ADGRL2: variants seen among roughly 807,000 people sequenced by gnomAD.
ADGRL2 encodes the protein adhesion G protein-coupled receptor L2, also known as calcium-independent alpha-latrotoxin receptor 2.
ADGRL2 carries 44 observed loss-of-function variants against 157.4 expected under a neutral mutation model. That is an observed-to-expected ratio of 0.28 (90% CI 0.22 to 0.36). The LOEUF (loss-of-function observed/expected upper bound fraction) is 0.36, where lower values mean the gene tolerates loss of function less well. ADGRL2 is among the 10% of genes least tolerant of loss of function. ADGRL2 has a pLI of 1.00. For synonymous variants in ADGRL2, 585 were observed against 624.7 expected (o/e 0.94, Z 0.95); for missense variants, 1,510 against 1,768.9 (o/e 0.85, Z 2.63).
chr1:81,494,778 C>T (rs1355212041), intron 2 of ADGRL2, among the ~76,000 whole-genome samples: 1 of 152,118 alleles, frequency 6.6e-6, no homozygotes, highest in Non-Finnish European at 1.5e-5. Context: ...TGTTTTAATA[C>T]ATCAGTTCCC....
chr1:81,874,453 T>C (rs979158853), intron 2 of ADGRL2, among the ~76,000 whole-genome samples: 1 of 152,202 alleles, frequency 6.6e-6, no homozygotes, highest in Non-Finnish European at 1.5e-5. Flanking sequence ...CTGCCTCTTT[T>C]CCTCTTAATG....
intron 3 of ADGRL2, among the ~76,000 whole-genome samples, chr1:81,919,256 G>A (rs190205505): frequency 3.4e-4 from 52 of 152,136 alleles, no homozygotes; most frequent in Admixed American, 1.9e-3. Context: ...TAAAAGCTTT[G>A]AGCTAGAATA....
intron 1 of ADGRL2, among the ~76,000 whole-genome samples, chr1:81,418,965 A>T (rs11163282): frequency 0.47 from 71,934 of 151,960 alleles, 17,583 homozygotes; most frequent in Non-Finnish European, 0.54. Flanking sequence ...ACTGGAGTTC[A>T]GAGAGATGCT....
At chr1:81,546,779 G>A (rs1438452804) in intron 2 of ADGRL2, among the ~76,000 whole-genome samples, 1 of 152,168 alleles carries the variant, frequency 6.6e-6, no homozygotes, top group Non-Finnish European at 1.5e-5. Flanking sequence ...AAATGAGTGA[G>A]GTACACATAA....
At chr1:81,813,097 A>G (rs573577247) in intron 1 of ADGRL2, among the ~76,000 whole-genome samples, 2 of 151,846 alleles carry the variant, frequency 1.3e-5, no homozygotes, top group Non-Finnish European at 3.0e-5. Flanking sequence ...TATTTCCTGC[A>G]TACACTTATT....
intron 18 of ADGRL2, chr1:81,981,054 T>G: frequency 2.3e-6 from 1 of 431,000 alleles, no homozygotes; most frequent in Non-Finnish European, 4.4e-6. Context: ...TATAAATGCT[T>G]TCTTATTACT....
chr1:81,444,662 G>A (rs2077569221), intron 1 of ADGRL2, among the ~76,000 whole-genome samples: 1 of 152,188 alleles, frequency 6.6e-6, no homozygotes, highest in African/African-American at 2.4e-5. Context: ...TAAGCAGGTG[G>A]CATCAATGGG....
chr1:81,880,026 CTAAA>C (rs959748942), intron 2 of ADGRL2, among the ~76,000 whole-genome samples: 14 of 152,200 alleles, frequency 9.2e-5, no homozygotes, highest in East Asian at 3.9e-4. Context: ...GACATTGTAT[CTAAA>C]TAAATAAATA....
chr1:81,687,612 G>A (rs117112909), intron 3 of ADGRL2, among the ~76,000 whole-genome samples: 1 of 152,296 alleles, frequency 6.6e-6, no homozygotes, highest in East Asian at 1.9e-4. Context: ...GATCTTTCAA[G>A]TGGAGCATTT....
At chr1:81,310,470 G>T (rs1659668358) in intron 1 of ADGRL2, among the ~76,000 whole-genome samples, 1 of 152,164 alleles carries the variant, frequency 6.6e-6, no homozygotes, top group Non-Finnish European at 1.5e-5. Context: ...GCAGAAGTTT[G>T]CAGAACATGG....
chr1:81,751,285 CT>C (rs1166803633), intron 1 of ADGRL2, among the ~76,000 whole-genome samples: 1 of 152,074 alleles, frequency 6.6e-6, no homozygotes, highest in Non-Finnish European at 1.5e-5. Flanking sequence ...CTGCAATATA[CT>C]TATGAAAAGG....
At chr1:81,802,395 G>A (rs1454057667) in intron 1 of ADGRL2, among the ~76,000 whole-genome samples, 1 of 151,902 alleles carries the variant, frequency 6.6e-6, no homozygotes, top group East Asian at 2.0e-4. Flanking sequence ...GCGCTCGCTC[G>A]GGCTGCTCGC....
rs147920563 is a variant in ADGRL2 at position 81,966,162 on chromosome 1, G to T, written c.2122G>T (p.Val708Phe). The change falls in exon 12 of 24, where the codon GTC becomes TTC. Residue 708 changes from valine (V) to phenylalanine (F), a missense_variant. Transcript: ENST00000686636. ...GSSIQLSANTVKQNSRNGLAK... is the reference protein window; with the variant it reads ...GSSIQLSANTFKQNSRNGLAK... Reference sequence around the variant, plus strand: ...CTCAATCCAACTGTCCGCAAATACCGTCAAACAGAACAGCAGGAATGGTAA... The same window carrying T: ...CTCAATCCAACTGTCCGCAAATACCTTCAAACAGAACAGCAGGAATGGTAA... 1.9e-6 allele frequency: 3 copies of T among 1,613,870 alleles called. No individual in the cohort carries two copies. In the African/African-American group the frequency reaches 4.0e-5, roughly 22 times the overall value.
intron 3 of ADGRL2, among the ~76,000 whole-genome samples, chr1:81,913,816 T>C (rs771468340): frequency 1.9e-4 from 29 of 152,138 alleles, no homozygotes; most frequent in Non-Finnish European, 3.4e-4. Context: ...AAACCTCAAA[T>C]CGCCTGTACC....
At chr1:81,616,970 G>A (rs983465188) in intron 3 of ADGRL2, among the ~76,000 whole-genome samples, 7 of 152,134 alleles carry the variant, frequency 4.6e-5, no homozygotes, top group Admixed American at 1.3e-4. Flanking sequence ...GAGCCACTGC[G>A]CCCAGCCGAG....
chr1:81,840,759 A>C (rs2092543835), intron 2 of ADGRL2, among the ~76,000 whole-genome samples: 1 of 152,192 alleles, frequency 6.6e-6, no homozygotes, highest in South Asian at 2.1e-4. Flanking sequence ...AATTATATTT[A>C]GAATTTCCAA....
intron 2 of ADGRL2, among the ~76,000 whole-genome samples, chr1:81,873,811 A>G (rs1466790693): frequency 6.6e-6 from 1 of 152,138 alleles, no homozygotes; most frequent in Non-Finnish European, 1.5e-5. Context: ...ACACATCCAA[A>G]GTGCCAAAGT....
intron 1 of ADGRL2, among the ~76,000 whole-genome samples, chr1:81,320,643 A>G (rs988581446): frequency 1.3e-5 from 2 of 152,218 alleles, no homozygotes; most frequent in African/African-American, 4.8e-5. Flanking sequence ...TGATAGTAAT[A>G]TTTTGTAAGA....
intron 2 of ADGRL2, among the ~76,000 whole-genome samples, chr1:81,897,470 C>T (rs887312595): frequency 6.6e-6 from 1 of 151,976 alleles, no homozygotes; most frequent in African/African-American, 2.4e-5. Context: ...AATATGTTTT[C>T]ATGGTACTTG....
Sources: allele counts gnomAD v4.1 joint callset (sites outside exome capture counted in the v4.1 genomes callset), GRCh38; gene constraint gnomAD v4.1.1; transcripts MANE v1.5; gene names NCBI Gene and HGNC (gene_info 2026-07-23, HGNC 2026-07-21).